RFX3: variants seen among roughly 807,000 people sequenced by gnomAD.
RFX3 encodes the protein regulatory factor X3.
Under a neutral mutation model 98.6 loss-of-function variants are expected in RFX3, and 14 were observed. The observed-to-expected ratio is 0.14, with a 90% CI of 0.09 to 0.22. RFX3 has a LOEUF of 0.22. RFX3 is among the 10% of genes least tolerant of loss of function. The probability of loss-of-function intolerance (pLI) is 1.00; values close to 1 mark genes in which losing one functional copy is unlikely to be tolerated. For missense variants in RFX3, 639 were observed against 926.9 expected (o/e 0.69, Z 4.03); for synonymous variants, 383 against 328.4 (o/e 1.17, Z -1.80).
chr9:3,378,306 A>G (rs1838772426), intron 2 of RFX3, among the ~76,000 whole-genome samples: 1 of 152,132 alleles, frequency 6.6e-6, no homozygotes, highest in Non-Finnish European at 1.5e-5. Context: ...TGTAAGCTAT[A>G]TGTGGAAAAA....
intron 1 of RFX3, among the ~76,000 whole-genome samples, chr9:3,491,452 T>G (rs1268143450): frequency 6.6e-6 from 1 of 152,300 alleles, no homozygotes; most frequent in African/African-American, 2.4e-5. Flanking sequence ...CAATACTTCT[T>G]AACAATTTTG....
At chr9:3,447,618 A>G (rs1650652107) in intron 1 of RFX3, among the ~76,000 whole-genome samples, 1 of 152,204 alleles carries the variant, frequency 6.6e-6, no homozygotes, top group Non-Finnish European at 1.5e-5. Context: ...CGACTTCTTA[A>G]CTTATCACAT....
intron 1 of RFX3, among the ~76,000 whole-genome samples, chr9:3,481,562 A>G (rs950249876): frequency 8.6e-5 from 13 of 151,894 alleles, no homozygotes; most frequent in African/African-American, 2.9e-4. Flanking sequence ...ATGTGGGGAC[A>G]TCAACTGGAA....
chr9:3,263,721 A>G (rs1823222731), intron 12 of RFX3, among the ~76,000 whole-genome samples: 1 of 152,178 alleles, frequency 6.6e-6, no homozygotes, highest in African/African-American at 2.4e-5. Flanking sequence ...CTCAAAATCT[A>G]CTTTCCATTT....
At chr9:3,318,918 T>A (rs914945810) in intron 4 of RFX3, among the ~76,000 whole-genome samples, 1 of 152,230 alleles carries the variant, frequency 6.6e-6, no homozygotes, top group Non-Finnish European at 1.5e-5. Flanking sequence ...CTTCTTTGAT[T>A]ATTCTGTGGA....
intron 4 of RFX3, among the ~76,000 whole-genome samples, chr9:3,305,572 G>C (rs1199538443): frequency 6.6e-6 from 1 of 151,886 alleles, no homozygotes; most frequent in African/African-American, 2.4e-5. Context: ...TGGGGAAGAA[G>C]AGTAATAATG....
chr9:3,251,970 T>C (rs1024513406), intron 14 of RFX3, among the ~76,000 whole-genome samples: 1 of 152,084 alleles, frequency 6.6e-6, no homozygotes, highest in Non-Finnish European at 1.5e-5. Context: ...TGCCTCAGCC[T>C]CCCGAGTAGC....
In RFX3 at chr9:3,275,538, T is replaced by C; in HGVS notation, c.1048A>G (p.Ile350Val). Residue 350 changes from isoleucine to valine, a missense_variant, in exon 9 of 17, where the codon ATC becomes GTC. Physicochemically the swap from Ile to Val is conservative, Grantham distance 29. Transcript: ENST00000617270. The part of the protein sequence containing the change: ...SLPDGTTFED[I>V]KSLQSLYREH... ...CTATAAAGACTCTGCAGTGACTTGA[T>C]ATCCTCAAAGGTAGTACCATCTGGC... The C allele has an allele frequency of 6.2e-7, 1 of 1,612,160 alleles. No individual in the cohort carries two copies. The highest frequency in any genetic ancestry group is 1.1e-5 in the South Asian group (1 of 91,032).
intron 14 of RFX3, among the ~76,000 whole-genome samples, chr9:3,248,892 T>C (rs1454007014): frequency 2.6e-5 from 4 of 152,146 alleles, no homozygotes; most frequent in Non-Finnish European, 5.9e-5. Context: ...GCAATATTTA[T>C]AAAATACTTA....
intron 2 of RFX3, among the ~76,000 whole-genome samples, chr9:3,358,840 C>A (rs1438830110): frequency 6.6e-6 from 1 of 151,952 alleles, no homozygotes; most frequent in African/African-American, 2.4e-5. Flanking sequence ...CACATGATGG[C>A]AGGAAGAAGA....
intron 13 of RFX3, among the ~76,000 whole-genome samples, chr9:3,261,849 A>G (rs753842139): frequency 1.3e-5 from 2 of 152,158 alleles, no homozygotes; most frequent in Non-Finnish European, 2.9e-5. Context: ...ATTTTAGAGT[A>G]TACGAAATGG....
intron 14 of RFX3, among the ~76,000 whole-genome samples, chr9:3,249,986 C>A (rs760360536): frequency 6.6e-6 from 1 of 151,904 alleles, no homozygotes; most frequent in African/African-American, 2.4e-5. Flanking sequence ...TGCATGCCAA[C>A]ATATATGACA....
At chr9:3,277,637 G>A (rs576355675) in intron 7 of RFX3, among the ~76,000 whole-genome samples, 176 bp from the exon 8 acceptor site, 1 of 151,318 alleles carries the variant, frequency 6.6e-6, no homozygotes, top group African/African-American at 2.4e-5. Context: ...TTTTTCAATT[G>A]TGAAAAGAAA....
intron 1 of RFX3, among the ~76,000 whole-genome samples, chr9:3,482,913 G>A (rs1849917323): frequency 6.6e-6 from 1 of 151,888 alleles, no homozygotes. Context: ...ATTAACTTAT[G>A]CTTATTATTT....
intron 2 of RFX3, among the ~76,000 whole-genome samples, chr9:3,361,716 G>C (rs984095342): frequency 3.7e-4 from 54 of 145,100 alleles, no homozygotes; most frequent in Non-Finnish European, 7.7e-4. Context: ...CGGAGGCCAA[G>C]ATGGGTGGAT....
At position 3,218,564 on chromosome 9, in the gene RFX3, C is replaced by T. The variant is rs1174532027; in HGVS notation, c.*6478G>A. The T allele has an allele frequency of 6.6e-6, 1 of 152,088 alleles. No homozygotes were observed. Among genetic ancestry groups the T allele is most frequent in the African/African-American group, 2.4e-5 (1 of 41,424 alleles). 9.4% of individuals were successfully genotyped at this position (152,088 alleles called of 1,614,324 possible). ...TTAGCTCCTGCCAATTTTGAGAGGA[C>T]ATGATATACTAAAAGATTTAGCATT... On this transcript the variant is annotated 3_prime_UTR_variant, in exon 17 of 17. Coordinates refer to ENST00000617270, the MANE Select transcript of RFX3 (RefSeq NM_001282116.2).
intron 1 of RFX3, among the ~76,000 whole-genome samples, chr9:3,509,100 A>G (rs1015520492): frequency 5.9e-5 from 9 of 151,922 alleles, no homozygotes; most frequent in African/African-American, 2.2e-4. Context: ...AACTCAGATT[A>G]AGAAAATAAA....
At chr9:3,366,427 A>G (rs535229966) in intron 2 of RFX3, among the ~76,000 whole-genome samples, 1 of 152,318 alleles carries the variant, frequency 6.6e-6, no homozygotes, top group East Asian at 1.9e-4. Flanking sequence ...AGAGTACTCC[A>G]TAGTATAGAC....
chr9:3,340,442 A>G (rs959063223), intron 3 of RFX3, among the ~76,000 whole-genome samples: 1 of 152,246 alleles, frequency 6.6e-6, no homozygotes, highest in African/African-American at 2.4e-5. Flanking sequence ...ACAGCAAAAG[A>G]AACTACCATC....
Sources: gnomAD v4.1 joint callset for allele counts (sites outside exome capture counted in the v4.1 genomes callset) on GRCh38, gnomAD v4.1.1 for gene constraint, MANE v1.5 for transcripts, NCBI Gene and HGNC (gene_info 2026-07-23, HGNC 2026-07-21) for gene names.